Variants in ARB2A observed in about 807,000 individuals in gnomAD.
The protein encoded by ARB2A is cotranscriptional regulator ARB2A.
At chr5:93,917,591 C>G in the ARB2A span, among the ~76,000 whole-genome samples, 1 of 151,934 alleles carries the variant, frequency 6.6e-6, no homozygotes, top group Admixed American at 6.6e-5. Flanking sequence ...ACATAAAAAA[C>G]AGTGGGCCAG....
chr5:93,796,186 CTG>C, the ARB2A span, among the ~76,000 whole-genome samples: 1 of 152,282 alleles, frequency 6.6e-6, no homozygotes, highest in South Asian at 2.1e-4. Context: ...AAAATAAAGA[CTG>C]TGCGATATAA....
At chr5:93,943,517 G>C in the ARB2A span, among the ~76,000 whole-genome samples, 28 of 152,192 alleles carry the variant, frequency 1.8e-4, no homozygotes, top group Non-Finnish European at 1.5e-4. Context: ...TAAGCAGCTA[G>C]ATGGCATTAC....
the ARB2A span, among the ~76,000 whole-genome samples, chr5:93,755,101 T>C: frequency 6.6e-6 from 1 of 152,214 alleles, no homozygotes; most frequent in Non-Finnish European, 1.5e-5. Flanking sequence ...AATGGGAGTA[T>C]ATAGTACCAT....
At chr5:93,947,590 T>C in the ARB2A span, among the ~76,000 whole-genome samples, 1 of 151,022 alleles carries the variant, frequency 6.6e-6, no homozygotes. Context: ...TATGTATACA[T>C]GTGCCATGCT....
the ARB2A span, among the ~76,000 whole-genome samples, chr5:93,766,391 A>C: frequency 1.3e-5 from 2 of 152,170 alleles, no homozygotes; most frequent in South Asian, 2.1e-4. Flanking sequence ...TATGAACAGG[A>C]ACTTCTCAAA....
the ARB2A span, among the ~76,000 whole-genome samples, chr5:94,106,916 T>C: frequency 1.4e-5 from 2 of 143,774 alleles, no homozygotes; most frequent in South Asian, 4.5e-4. Flanking sequence ...TTCTCACTTA[T>C]ACATGAAAGC....
chr5:93,630,809 T>C, the ARB2A span, among the ~76,000 whole-genome samples: 1 of 152,140 alleles, frequency 6.6e-6, no homozygotes, highest in Non-Finnish European at 1.5e-5. Context: ...CGCGATGGCA[T>C]GCACCTGTAG....
At chr5:93,960,463 A>C in the ARB2A span, among the ~76,000 whole-genome samples, 2 of 152,078 alleles carry the variant, frequency 1.3e-5, no homozygotes, top group Non-Finnish European at 2.9e-5. Flanking sequence ...GTGTTTATTC[A>C]CGGCCTGCTC....
At chr5:94,088,655 G>A in the ARB2A span, among the ~76,000 whole-genome samples, 23 of 152,140 alleles carry the variant, frequency 1.5e-4, no homozygotes, top group Non-Finnish European at 7.3e-5. Context: ...CTGGGCAACA[G>A]AGCAAGACCC....
the ARB2A span, among the ~76,000 whole-genome samples, chr5:93,825,987 G>GA: frequency 6.6e-6 from 1 of 151,472 alleles, no homozygotes; most frequent in East Asian, 1.9e-4. Context: ...TTGGAATTGG[G>GA]AAAAAAACCT....
At chr5:93,704,573 C>A in the ARB2A span, among the ~76,000 whole-genome samples, 1 of 151,970 alleles carries the variant, frequency 6.6e-6, no homozygotes, top group African/African-American at 2.4e-5. Context: ...CAAAACCACC[C>A]CCCAAAACAA....
chr5:93,653,398 G>C, the ARB2A span, among the ~76,000 whole-genome samples: 9 of 150,784 alleles, frequency 6.0e-5, no homozygotes, highest in Non-Finnish European at 1.0e-4. Flanking sequence ...TGTAGTCCCA[G>C]GTACTTGGGA....
chr5:93,877,608 A>G, the ARB2A span, among the ~76,000 whole-genome samples: 1 of 152,174 alleles, frequency 6.6e-6, no homozygotes. Context: ...GAGAGGCATG[A>G]AAATAATTGG....
the ARB2A span, among the ~76,000 whole-genome samples, chr5:93,806,499 CTAGA>C: frequency 6.6e-5 from 10 of 151,740 alleles, no homozygotes. Flanking sequence ...TAAACACTGG[CTAGA>C]TAAATTACAC....
the ARB2A span, among the ~76,000 whole-genome samples, chr5:94,069,620 G>A: frequency 1.3e-5 from 2 of 151,958 alleles, no homozygotes; most frequent in African/African-American, 4.8e-5. Context: ...TTAAAACGTG[G>A]GCAAAGGACA....
the ARB2A span, among the ~76,000 whole-genome samples, chr5:93,996,086 A>G: frequency 2.0e-5 from 3 of 151,784 alleles, no homozygotes; most frequent in Non-Finnish European, 2.9e-5. Context: ...TTTTTTGCCA[A>G]AATTGCCAAC....
At chr5:93,837,624 C>G in the ARB2A span, among the ~76,000 whole-genome samples, 1,463 of 152,216 alleles carry the variant, frequency 9.6e-3, 14 homozygotes, top group Non-Finnish European at 0.013. Flanking sequence ...TGCACTCCCA[C>G]CAACAGTGTA....
At chr5:94,106,855 A>G in the ARB2A span, among the ~76,000 whole-genome samples, 3 of 126,942 alleles carry the variant, frequency 2.4e-5, no homozygotes, top group African/African-American at 8.9e-5. Context: ...ACATTATCCT[A>G]TGTGAATCAA....
the ARB2A span, among the ~76,000 whole-genome samples, chr5:93,968,519 T>C: frequency 6.6e-6 from 1 of 151,604 alleles, no homozygotes; most frequent in African/African-American, 2.4e-5. Flanking sequence ...AAAATGTAAA[T>C]GCAAAGAGAA....
Sources: allele counts gnomAD v4.1 joint callset (sites outside exome capture counted in the v4.1 genomes callset), GRCh38; gene constraint gnomAD v4.1.1; transcripts MANE v1.5; gene names NCBI Gene and HGNC (gene_info 2026-07-23, HGNC 2026-07-21).